Variants in IMMT observed in about 807,000 individuals in gnomAD.
IMMT encodes the protein MICOS complex subunit MIC60.
In IMMT, 40 loss-of-function variants were observed where a neutral mutation model predicts 92.7. The ratio of observed to expected loss-of-function variants is 0.43; its 90% confidence interval spans 0.34 to 0.56. The LOEUF is 0.56. IMMT is among the 20% of genes least tolerant of loss of function. IMMT has a pLI of 0.03. For synonymous variants in IMMT, 322 were observed against 336.1 expected, an observed-to-expected ratio of 0.96 and a Z score of 0.46; for missense variants, 831 against 912.1, an observed-to-expected ratio of 0.91 and a Z score of 1.14.
intron 5 of IMMT, 118 bp from the exon 6 acceptor site, chr2:86,170,962 G>T: frequency 1.3e-6 from 1 of 768,450 alleles, no homozygotes; most frequent in Non-Finnish European, 2.1e-6. Flanking sequence ...GGGCATTTTT[G>T]TGTTAAGAAT....
At chr2:86,187,321 C>T (rs1425014730) in intron 1 of IMMT, among the ~76,000 whole-genome samples, 2 of 152,110 alleles carry the variant, frequency 1.3e-5, no homozygotes, top group African/African-American at 2.4e-5. Flanking sequence ...ATCTTTTTGT[C>T]CAGCTTCTTT....
At chr2:86,154,276 G>T (rs1573888008) in intron 10 of IMMT, among the ~76,000 whole-genome samples, 1 of 151,774 alleles carries the variant, frequency 6.6e-6, no homozygotes, top group Admixed American at 6.6e-5. Context: ...GGGCTCAAGG[G>T]ATTCTCCTGC....
intron 1 of IMMT, among the ~76,000 whole-genome samples, chr2:86,188,551 G>A (rs373098278): frequency 1.1e-4 from 16 of 151,566 alleles, no homozygotes; most frequent in African/African-American, 2.9e-4. Context: ...TCAGCCTACC[G>A]AGTAGCTAAC....
chr2:86,191,737 A>C (rs1262960274), intron 1 of IMMT, among the ~76,000 whole-genome samples: 2 of 112,966 alleles, frequency 1.8e-5, no homozygotes, highest in African/African-American at 3.2e-5. Flanking sequence ...CCCCGTCTCT[A>C]CTAAAAATAC....
At position 86,192,555 on chromosome 2, in the gene IMMT, T is replaced by C. The variant is rs139757483; in HGVS notation, c.45+2783A>G. Among the ~76,000 whole-genome samples the C allele has an allele frequency of 6.8e-3, 1,041 of 152,322 alleles. 15 individuals carry two copies. Among genetic ancestry groups the C allele is most frequent in the African/African-American group, 0.023 (959 of 41,576 alleles). ...TGGAGCCAGGGACTATTGTTAATAC[T>C]GGAAATACAGCAGTAAATATGGACA... On this transcript the variant is annotated intron_variant, in intron 1 of 14. Transcript: ENST00000410111.
chr2:86,148,919 A>G (rs561369323), intron 12 of IMMT, among the ~76,000 whole-genome samples: 10 of 152,332 alleles, frequency 6.6e-5, no homozygotes, highest in Middle Eastern at 6.8e-3. Flanking sequence ...GGCAGTGCCT[A>G]CTATCTGTAC....
At chr2:86,170,683 A>G (rs1473721390) in intron 6 of IMMT, 66 bp downstream of exon 6, 3 of 1,046,928 alleles carry the variant, frequency 2.9e-6, no homozygotes, top group Non-Finnish European at 4.3e-6. Flanking sequence ...ACTTGTGCTG[A>G]TAGTTTAAGA....
At position 86,166,501 on chromosome 2, in the gene IMMT, G is replaced by A; in HGVS notation, c.792+7C>T. On this transcript the variant is annotated splice_region_variant and intron_variant, in intron 7 of 14. Coordinates refer to ENST00000410111, the MANE Select transcript of IMMT (RefSeq NM_006839.3). ...CCAGAACACTTCTAATCATTCATTG[G>A]GCTCACCTCAGAATTGTCCATGGCG... 1.3e-6 allele frequency: 2 copies of A among 1,599,026 alleles called. No homozygotes were observed. The highest frequency in any genetic ancestry group is 1.7e-6 in the Non-Finnish European group (2 of 1,174,288).
chr2:86,159,400 A>C (rs1196742703), intron 9 of IMMT, 136 bp downstream of exon 9: 1 of 841,662 alleles, frequency 1.2e-6, no homozygotes, highest in East Asian at 2.7e-5. Flanking sequence ...AAATTTTTTA[A>C]AACAGTAACA....
At chr2:86,157,912 A>G (rs1428758088) in intron 10 of IMMT, among the ~76,000 whole-genome samples, 4 of 151,926 alleles carry the variant, frequency 2.6e-5, no homozygotes, top group African/African-American at 9.7e-5. Flanking sequence ...CGGGAGGTGG[A>G]GGACTACACT....
chr2:86,179,810 C>T (rs547168685), intron 2 of IMMT, among the ~76,000 whole-genome samples, 188 bp from the exon 3 acceptor site: 2 of 152,244 alleles, frequency 1.3e-5, no homozygotes, highest in South Asian at 2.1e-4. Context: ...CATGTTGCCA[C>T]CAAAAATAGT....
chr2:86,156,508 C>T (rs1425260182), intron 10 of IMMT, among the ~76,000 whole-genome samples: 3 of 150,504 alleles, frequency 2.0e-5, no homozygotes, highest in Non-Finnish European at 4.4e-5. Flanking sequence ...GCAGGAGAAT[C>T]GCTTGAACCC....
intron 12 of IMMT, among the ~76,000 whole-genome samples, chr2:86,149,903 GAAAA>G (rs1287899399): frequency 6.8e-6 from 1 of 148,056 alleles, no homozygotes; most frequent in African/African-American, 2.5e-5. Flanking sequence ...AAAAAAGAAA[GAAAA>G]AGAAAAAATA....
intron 12 of IMMT, among the ~76,000 whole-genome samples, chr2:86,150,140 G>C (rs768679665): frequency 1.3e-5 from 2 of 152,140 alleles, no homozygotes; most frequent in Non-Finnish European, 2.9e-5. Context: ...AGGTTGGAGA[G>C]AATAAATAAA....
intron 10 of IMMT, among the ~76,000 whole-genome samples, chr2:86,156,935 T>C (rs1363125839): frequency 1.3e-5 from 2 of 152,132 alleles, no homozygotes; most frequent in African/African-American, 4.8e-5. Context: ...AATAAGGTAA[T>C]ATGGTACAGT....
At chr2:86,167,587 C>T (rs997966187) in intron 6 of IMMT, among the ~76,000 whole-genome samples, 5 of 150,432 alleles carry the variant, frequency 3.3e-5, no homozygotes, top group South Asian at 2.1e-4. Flanking sequence ...TGGGTTCAGG[C>T]GATTCTCCTG....
rs753911092 is a variant in IMMT, at chr2:86,147,781, C to T, written c.1454G>A (p.Arg485Gln). 32 of 1,613,722 alleles carry T rather than the reference C, an allele frequency of 2.0e-5. No homozygotes were observed. Among genetic ancestry groups the T allele is most frequent in the Middle Eastern group, 1.6e-4 (1 of 6,084 alleles). Reference protein sequence around the residue: ...MENEMRTQLRRQAAAHTDHLR... With the variant: ...MENEMRTQLRQQAAAHTDHLR... ...GTGATCAGTGTGGGCAGCTGCCTGT[C>T]GGCGAAGCTGGGTTCTCATTTCATT... Residue 485 changes from arginine (R) to glutamine (Q), a missense_variant, in exon 13 of 15, where the codon CGA becomes CAA. Coordinates refer to ENST00000410111, the MANE Select transcript of IMMT (RefSeq NM_006839.3).
chr2:86,177,743 G>C (rs1677532581), intron 3 of IMMT, among the ~76,000 whole-genome samples: 1 of 152,126 alleles, frequency 6.6e-6, no homozygotes, highest in Non-Finnish European at 1.5e-5. Flanking sequence ...GGTCTAAAAG[G>C]AACCATTACT....
chr2:86,148,459 A>G (rs1056114187), intron 12 of IMMT, among the ~76,000 whole-genome samples: 11 of 151,892 alleles, frequency 7.2e-5, no homozygotes, highest in Non-Finnish European at 1.2e-4. Flanking sequence ...ATACAAAAAA[A>G]AAATTAGCCG....
Sources: allele counts gnomAD v4.1 joint callset (sites outside exome capture counted in the v4.1 genomes callset), GRCh38; gene constraint gnomAD v4.1.1; transcripts MANE v1.5; gene names NCBI Gene and HGNC (gene_info 2026-07-23, HGNC 2026-07-21).